GCN1: variants seen among roughly 807,000 people sequenced by gnomAD.
GCN1 encodes the protein stalled ribosome sensor GCN1.
GCN1 carries 90 observed loss-of-function variants against 288.4 expected under a neutral mutation model. That is an observed-to-expected ratio of 0.31 (90% CI 0.26 to 0.37). The LOEUF is 0.37. GCN1 is among the 10% of genes least tolerant of loss of function. GCN1 has a pLI of 1.00. For missense variants in GCN1, 2,586 were observed against 3,419.9 expected, an observed-to-expected ratio of 0.76 and a Z score of 6.08; for synonymous variants, 1,386 against 1,420.2, an observed-to-expected ratio of 0.98 and a Z score of 0.54.
chr12:120,170,162 C>T lies in GCN1; in HGVS notation c.1519+7G>A. On this transcript the variant is annotated splice_region_variant and intron_variant, in intron 15 of 57. Coordinates refer to ENST00000300648, the MANE Select transcript of GCN1 (RefSeq NM_006836.2). ...CTCTACCATCCTAGACACCTCTGGA[C>T]TCATACCAGCCTGTGAGTCAGCCAC... 6.2e-7 allele frequency: 1 copy of T among 1,613,596 alleles called. No homozygotes were observed. Among genetic ancestry groups the T allele is most frequent in the African/African-American group, 1.3e-5 (1 of 75,062 alleles).
chr12:120,154,979 C>G lies in GCN1; in HGVS notation c.3692G>C (p.Trp1231Ser). The change falls in exon 31 of 58, where the codon TGG becomes TCG. Residue 1231 changes from tryptophan (W) to serine (S), a missense_variant. By Grantham distance (177) the Trp-to-Ser change is radical. Around this residue, in one of 8 missense-constraint regions of GCN1, gnomAD observed 332 missense variants for 403.0 expected, o/e 0.82. Coordinates refer to ENST00000300648, the MANE Select transcript of GCN1 (RefSeq NM_006836.2). ...TGAACAATTGTTATACCTGGCTTCC[C>G]ACTGATCTGGAGGAGATTCTGAAAT... ...RVISESPPDQ[W>S]EARCGLALAL... 1 of 1,613,328 alleles carries G rather than the reference C, an allele frequency of 6.2e-7. No homozygotes were observed. Among genetic ancestry groups the G allele is most frequent in the Non-Finnish European group, 8.5e-7 (1 of 1,179,252 alleles).
rs570793837 is a variant in GCN1, at chr12:120,151,096, T to A, written c.4309+49A>T. 2.1e-5 allele frequency: 34 copies of A among 1,594,040 alleles called. No individual in the cohort carries two copies. The East Asian group carries it at 2.7e-4, about 13-fold the overall frequency. On this transcript the variant is annotated intron_variant, in intron 34 of 57. Coordinates refer to ENST00000300648, the MANE Select transcript of GCN1 (RefSeq NM_006836.2). Reference sequence around the variant, plus strand: ...GGTCAGATTCCTTCCTCTGGCAACCTGGGGACCAACTTCCCATGCTGGGCA... The same window carrying A: ...GGTCAGATTCCTTCCTCTGGCAACCAGGGGACCAACTTCCCATGCTGGGCA...
intron 10 of GCN1, 55 bp from the exon 11 acceptor site, chr12:120,175,929 T>C: frequency 6.3e-7 from 1 of 1,574,914 alleles, no homozygotes; most frequent in Non-Finnish European, 8.6e-7. Flanking sequence ...ATCCAGACTT[T>C]CGTCTTTGTC....
At position 120,156,985 on chromosome 12, in the gene GCN1, G is replaced by A. The variant is rs1372484342; in HGVS notation, c.3095C>T (p.Pro1032Leu). The change falls in exon 27 of 58, where the codon CCG becomes CTG. Residue 1032 changes from proline to leucine, a missense_variant. Pro to Leu is a moderately conservative substitution (Grantham distance 98). Transcript: ENST00000300648. The surrounding 1 kb of genome is among the most constrained non-coding windows in gnomAD (Gnocchi z 5.8). ...TPPGRVDENG[P>L]ELLPRVAMLR... Reference sequence around the variant, plus strand: ...CATGGCCACGCGAGGCAGCAACTCCGGGCCATTCTAGGAGAGAACGGCAGG... The same window carrying A: ...CATGGCCACGCGAGGCAGCAACTCCAGGCCATTCTAGGAGAGAACGGCAGG... The A allele has an allele frequency of 6.2e-7, 1 of 1,611,260 alleles. No individual in the cohort carries two copies. Among genetic ancestry groups the A allele is most frequent in the South Asian group, 1.1e-5 (1 of 91,036 alleles).
rs1877330477 is a variant in GCN1, at chr12:120,145,312, G to A, written c.4966C>T (p.Pro1656Ser). 4 of 1,597,058 alleles carry A rather than the reference G, an allele frequency of 2.5e-6. No homozygotes were observed. The highest frequency in any genetic ancestry group is 3.4e-6 in the Non-Finnish European group (4 of 1,171,728). ...GCTTTCAGGCCAGGCGTCACGCTGG[G>A]CAGGTACGGAGCCAAGTCCTGCAAC... Reference protein sequence around the residue: ...TDQKDLAPYLPSVTPGLKASL... With the variant: ...TDQKDLAPYLSSVTPGLKASL... Residue 1656 changes from proline (P) to serine (S), a missense_variant, in exon 39 of 58, where the codon CCC (proline) becomes TCC (serine). Physicochemically the swap from Pro to Ser is moderately conservative, Grantham distance 74. This residue lies in a region of GCN1 where 371 missense variants were observed against 572.6 expected (regional missense o/e 0.65). Transcript: ENST00000300648.
intron 12 of GCN1, 76 bp downstream of exon 12, chr12:120,175,086 C>T: frequency 7.7e-7 from 1 of 1,298,210 alleles, no homozygotes; most frequent in Non-Finnish European, 1.1e-6. Context: ...GAGATGGCAC[C>T]ACTGCACTCT....
chr12:120,150,170 A>T, intron 34 of GCN1, 127 bp from the exon 35 acceptor site: 1 of 864,252 alleles, frequency 1.2e-6, no homozygotes. Flanking sequence ...ACAGCTGTGG[A>T]ACTAGTAGAT....
chr12:120,173,867 T>A (rs1293446376), intron 13 of GCN1, 41 bp from the exon 14 acceptor site: 3 of 1,547,992 alleles, frequency 1.9e-6, no homozygotes, highest in Non-Finnish European at 2.7e-6. Context: ...CAATGTCTTA[T>A]AACCATGTCA....
intron 36 of GCN1, 93 bp from the exon 37 acceptor site, chr12:120,148,439 T>C (rs534732681): frequency 1.9e-6 from 2 of 1,031,902 alleles, no homozygotes; most frequent in South Asian, 3.2e-5. Flanking sequence ...ACATCTACCC[T>C]GGCCCCTGCA....
rs1381747253 is a variant in GCN1, at chr12:120,142,971, C to T, written c.5496-30G>A. The T allele has an allele frequency of 1.5e-6, 2 of 1,372,862 alleles. No homozygotes were observed. Among genetic ancestry groups the T allele is most frequent in the Non-Finnish European group, 2.1e-6 (2 of 960,136 alleles). The allele number at this position is 1,372,862 out of a possible 1,614,324, so 85.0% of individuals were successfully genotyped here. A position where few individuals can be genotyped will look rare whatever the true frequency, so the allele number is the denominator to read the frequency against. On this transcript the variant is annotated intron_variant, in intron 42 of 57. Transcript: ENST00000300648. The surrounding 1 kb of genome is among the most constrained non-coding windows in gnomAD (Gnocchi z 4.9). ...GAAGGAGGCCAACAACACAGTCACA[C>T]AGCTGCAAGGAGTGGGCTCGGCACA... is the stretch of plus-strand genomic sequence containing the variant.
Position 120,138,427 on chromosome 12 carries a change from G to A in GCN1, c.6157-12C>T. On this transcript the variant is annotated splice_polypyrimidine_tract_variant and intron_variant, in intron 46 of 57. Transcript: ENST00000300648. ...ACCTCCTCGTCATCCTGCAGAGGGTGTTGGGGACAACCCTGAGGAATCTGC... is the reference window on the plus strand; with the variant it reads ...ACCTCCTCGTCATCCTGCAGAGGGTATTGGGGACAACCCTGAGGAATCTGC... The A allele has an allele frequency of 1.3e-6, 2 of 1,540,962 alleles. No individual in the cohort carries two copies. Among genetic ancestry groups the A allele is most frequent in the Non-Finnish European group, 1.8e-6 (2 of 1,113,128 alleles).
chr12:120,150,246 C>A (rs980977863), intron 34 of GCN1, among the ~76,000 whole-genome samples: 1 of 152,054 alleles, frequency 6.6e-6, no homozygotes, highest in South Asian at 2.1e-4. Context: ...TGTGGCTGAG[C>A]GAAAGGGAGG....
chr12:120,133,656 C>A (rs1482205319), intron 53 of GCN1, among the ~76,000 whole-genome samples: 2 of 152,182 alleles, frequency 1.3e-5, no homozygotes, highest in Non-Finnish European at 2.9e-5. Context: ...ATAAATAAAC[C>A]TCTTCATTTT....
rs1355611940 is a variant in GCN1, at chr12:120,149,635, A to G, written c.4517T>C (p.Leu1506Pro). ...TTTGGTCCGCCACGATTCCTCCTCC[A>G]GGGCAGCCAGTAAGGAGGGGAGCAC... ...KLVLPSLLAA[L>P]EEESWRTKAG... is the part of the protein sequence containing the mutation. The change falls in exon 36 of 58, where the codon CTG becomes CCG. Residue 1506 changes from leucine to proline, a missense_variant. By Grantham distance (98) the Leu-to-Pro change is moderately conservative (BLOSUM62 -3). Around this residue, in one of 8 missense-constraint regions of GCN1, gnomAD observed 371 missense variants for 572.6 expected, o/e 0.65. Transcript: ENST00000300648. The G allele has an allele frequency of 6.2e-7, 1 of 1,613,402 alleles. No individual in the cohort carries two copies. The highest frequency in any genetic ancestry group is 1.1e-5 in the South Asian group (1 of 91,068).
At position 120,131,284 on chromosome 12, in the gene GCN1, T is replaced by A. The variant is rs1185492084; in HGVS notation, c.7464A>T (p.Ala2488=). 6.2e-6 allele frequency: 10 copies of A among 1,613,948 alleles called. No homozygotes were observed. ...GAGCCACATTCACAGCCACGGAAAG[T>A]GCCAGGCTCCGCCCGTGCCGAACCA... ...DWMVRHGRSL[A]LSVAVNVAPG... Residue 2488 remains alanine, a synonymous_variant, in exon 55 of 58, where the codon GCA becomes GCT. Coordinates refer to ENST00000300648, the MANE Select transcript of GCN1 (RefSeq NM_006836.2).
At position 120,142,552 on chromosome 12, in the gene GCN1, C is replaced by T; in HGVS notation, c.5784G>A (p.Gly1928=). 6.2e-7 allele frequency: 1 copy of T among 1,614,000 alleles called. No individual in the cohort carries two copies. Among genetic ancestry groups the T allele is most frequent in the Non-Finnish European group, 8.5e-7 (1 of 1,180,028 alleles). Reference sequence around the variant, plus strand: ...TGCTGGCCAGGAAACCCAGCAGGAGCCCAAAGAGAGTGGGTAGGATCTCAC... The same window carrying T: ...TGCTGGCCAGGAAACCCAGCAGGAGTCCAAAGAGAGTGGGTAGGATCTCAC... ...TLREILPTLF[G]LLLGFLASTC... The change falls in exon 44 of 58, where the codon GGG becomes GGA. Residue 1928 remains glycine (G), a synonymous_variant. Transcript: ENST00000300648. This position sits in a 1 kb window ranked among gnomAD's most constrained non-coding sequence, Gnocchi z 4.9.
In GCN1 at chr12:120,144,668, C is replaced by T; in HGVS notation, c.5323G>A (p.Val1775Met). The T allele has an allele frequency of 1.9e-6, 3 of 1,614,114 alleles. No individual in the cohort carries two copies. The highest frequency in any genetic ancestry group is 2.5e-6 in the Non-Finnish European group (3 of 1,179,950). The stretch of plus-strand genomic sequence containing the variant: ...AGGATACAGGGGATGATGGGCCCCA[C>T]ATAAGGAGTAAACTTGTCTCCAAAG... Reference protein sequence around the residue: ...ITFGDKFTPYVGPIIPCILKA... With the variant: ...ITFGDKFTPYMGPIIPCILKA... Residue 1775 changes from valine (V) to methionine (M), a missense_variant, in exon 41 of 58, where the codon GTG becomes ATG. Around this residue, in one of 8 missense-constraint regions of GCN1, gnomAD observed 371 missense variants for 572.6 expected, o/e 0.65. Transcript: ENST00000300648. This position sits in a 1 kb window ranked among gnomAD's most constrained non-coding sequence, Gnocchi z 4.7.
intron 9 of GCN1, among the ~76,000 whole-genome samples, chr12:120,176,664 A>G (rs1355429187): frequency 6.6e-6 from 1 of 152,220 alleles, no homozygotes; most frequent in Admixed American, 6.5e-5. Flanking sequence ...ACCTCCATAA[A>G]GCTATGAACT....
chr12:120,138,146 G>A, intron 47 of GCN1, 102 bp from the exon 48 acceptor site: 3 of 1,124,892 alleles, frequency 2.7e-6, no homozygotes, highest in South Asian at 2.8e-5. Flanking sequence ...CCACTGCTCA[G>A]AGCCAAGCAT....
Sources: allele counts gnomAD v4.1 joint callset (sites outside exome capture counted in the v4.1 genomes callset), GRCh38; gene constraint gnomAD v4.1.1; regional missense constraint gnomAD v4.1.1; non-coding constraint Gnocchi (gnomAD v3.1); transcripts MANE v1.5; gene names NCBI Gene and HGNC (gene_info 2026-07-23, HGNC 2026-07-21).